Variants in TMEM223 observed in about 807,000 individuals in gnomAD.
TMEM223 encodes the protein transmembrane protein 223.
TMEM223 carries 14 observed loss-of-function variants against 14.1 expected under a neutral mutation model. That is an observed-to-expected ratio of 0.99 (90% CI 0.66 to 1.55). The LOEUF (loss-of-function observed/expected upper bound fraction) is 1.55, where lower values mean the gene tolerates loss of function less well. Ranked by LOEUF, TMEM223 falls within the 40% of genes most tolerant of loss-of-function variation. The pLI is 0.00. For synonymous variants in TMEM223, 145 were observed against 120.5 expected, an observed-to-expected ratio of 1.20 and a Z score of -1.33; for missense variants, 346 against 269.9, an observed-to-expected ratio of 1.28 and a Z score of -1.97.
At chr11:62,773,960 A>T (rs188878064) in intron 2 of TMEM223, among the ~76,000 whole-genome samples, 1 of 152,332 alleles carries the variant, frequency 6.6e-6, no homozygotes, top group East Asian at 1.9e-4. Flanking sequence ...TGAGGAACTG[A>T]AAGGAGGACA....
rs757495062 is a variant in TMEM223, at chr11:62,790,934, T to G, written c.317-19A>C. On this transcript the variant is annotated intron_variant, in intron 1 of 1. Coordinates refer to ENST00000307366, the MANE Select transcript of TMEM223 (RefSeq NM_001080501.3). ...AGGGCTCCTGCAGGCAGGGCAGAGA[T>G]TGGGGTGAGGGGTTTTCACTGGGCA... 5 of 1,538,010 alleles carry G rather than the reference T, an allele frequency of 3.3e-6. No homozygotes were observed. The highest frequency in any genetic ancestry group is 4.0e-5 in the Admixed American group (2 of 49,650).
intron 1 of TMEM223, among the ~76,000 whole-genome samples, chr11:62,779,676 T>C (rs1371132359): frequency 1.3e-5 from 2 of 150,922 alleles, no homozygotes; most frequent in African/African-American, 4.9e-5. Context: ...TAAAAAAACA[T>C]TTTTTTTAAG....
chr11:62,777,506 T>A (rs2084196268), intron 1 of TMEM223, among the ~76,000 whole-genome samples: 1 of 152,048 alleles, frequency 6.6e-6, no homozygotes, highest in African/African-American at 2.4e-5. Context: ...GGACTGGAGC[T>A]GGCCCTTAAA....
At chr11:62,778,018 G>A (rs753905618) in intron 1 of TMEM223, 25 of 1,614,036 alleles carry the variant, frequency 1.5e-5, no homozygotes, top group South Asian at 4.4e-5. Context: ...CTGCCCATGC[G>A]CCCCGCCAGG....
chr11:62,790,455 A>G lies in TMEM223; in HGVS notation c.*168T>C. 2.0e-6 allele frequency: 1 copy of G among 488,326 alleles called. No individual in the cohort carries two copies. The highest frequency in any genetic ancestry group is 3.4e-6 in the Non-Finnish European group (1 of 295,108). The allele number at this position is 488,326 out of a possible 1,614,324, so 30.2% of individuals were successfully genotyped here. On this transcript the variant is annotated 3_prime_UTR_variant, in exon 2 of 2. Transcript: ENST00000307366. Reference sequence around the variant, plus strand: ...CGTTTTTTTTTGTTTTTTTTTTTGTAAATAGAGACAAGGTCTCGCTATGTT... The same window carrying G: ...CGTTTTTTTTTGTTTTTTTTTTTGTGAATAGAGACAAGGTCTCGCTATGTT...
Position 62,791,813 on chromosome 11 carries a change from GA to G in TMEM223, c.181del (p.Ser61ProfsTer73). On this transcript the variant is annotated frameshift_variant, in exon 1 of 2. Transcript: ENST00000307366. LOFTEE classifies it high-confidence loss of function. ...CCGGGACACGGCTGCCACAGCCATG[GA>G]AGCCCAGAAGACGCCCTGGCCCGCG... ...FCAGQGVFWASMAVAAVSRPP... is the reference protein window; with the variant it reads ...FCAGQGVFWAXMAVAAVSRPP... 6.3e-7 allele frequency: 1 copy of G among 1,583,182 alleles called. No individual in the cohort carries two copies. The highest frequency in any genetic ancestry group is 8.6e-7 in the Non-Finnish European group (1 of 1,165,592).
rs1565194249 is a variant in TMEM223, at chr11:62,789,972, G to A, written c.*651C>T. On this transcript the variant is annotated 3_prime_UTR_variant, in exon 2 of 2. Coordinates refer to ENST00000307366, the MANE Select transcript of TMEM223 (RefSeq NM_001080501.3). ...GGAAGTCTGAAGCCACCCCATACCGGCCTCTGGAGAGGGGTGACCCTGAGT... is the reference window on the plus strand; with the variant it reads ...GGAAGTCTGAAGCCACCCCATACCGACCTCTGGAGAGGGGTGACCCTGAGT... 6.2e-7 allele frequency: 1 copy of A among 1,614,134 alleles called. No individual in the cohort carries two copies. Among genetic ancestry groups the A allele is most frequent in the Non-Finnish European group, 8.5e-7 (1 of 1,180,012 alleles).
chr11:62,785,627 C>T (rs1378833588), downstream of TMEM223, among the ~76,000 whole-genome samples: 3 of 150,192 alleles, frequency 2.0e-5, no homozygotes, highest in East Asian at 3.9e-4. Context: ...CTCTGCCCCC[C>T]GAGTTCAAGT....
chr11:62,786,610 C>CTAGG, downstream of TMEM223: 1 of 1,590,090 alleles, frequency 6.3e-7, no homozygotes, highest in East Asian at 2.2e-5. Flanking sequence ...CCTGGACGAC[C>CTAGG]TGCCATGGGA....
downstream of TMEM223, among the ~76,000 whole-genome samples, chr11:62,783,307 C>T (rs1249704181): frequency 6.6e-6 from 1 of 152,016 alleles, no homozygotes; most frequent in African/African-American, 2.4e-5. Flanking sequence ...ACGGTGAAAC[C>T]CCATCTCTAC....
intron 1 of TMEM223, among the ~76,000 whole-genome samples, chr11:62,781,239 G>T (rs111386607): frequency 1.9e-5 from 2 of 105,504 alleles, no homozygotes; most frequent in Non-Finnish European, 3.7e-5. Flanking sequence ...CCATCTCAAA[G>T]AAAAAAAAAA....
downstream of TMEM223, chr11:62,771,405 G>T: frequency 6.5e-6 from 1 of 154,152 alleles, no homozygotes; most frequent in South Asian, 1.7e-4. Context: ...GAGAGGGAAT[G>T]AGTGTGAGCT....
At chr11:62,781,006 C>T (rs193102777) in intron 1 of TMEM223, among the ~76,000 whole-genome samples, 5 of 137,904 alleles carry the variant, frequency 3.6e-5, no homozygotes, top group South Asian at 2.4e-4. Context: ...GAGGCCGAGG[C>T]GGGTGGATTG....
chr11:62,787,084 G>A (rs1233909517), downstream of TMEM223: 8 of 1,536,468 alleles, frequency 5.2e-6, no homozygotes, highest in Middle Eastern at 3.4e-4. Context: ...GAGCCGTTTC[G>A]CCCCGCGCGG....
chr11:62,776,013 A>G, intron 1 of TMEM223: 1 of 1,479,536 alleles, frequency 6.8e-7, no homozygotes, highest in East Asian at 2.4e-5. Context: ...GATTTATTCA[A>G]GTGTACACTG....
chr11:62,777,261 A>G (rs986946216), intron 1 of TMEM223, among the ~76,000 whole-genome samples: 1 of 152,190 alleles, frequency 6.6e-6, no homozygotes, highest in Non-Finnish European at 1.5e-5. Context: ...TGGAAGGCGT[A>G]GGTTGCAGTG....
downstream of TMEM223, chr11:62,786,501 TC>T: frequency 6.4e-7 from 1 of 1,566,810 alleles, no homozygotes; most frequent in Non-Finnish European, 8.7e-7. Context: ...CCTATCTTAG[TC>T]CTTGGCTCTT....
downstream of TMEM223, among the ~76,000 whole-genome samples, chr11:62,783,004 G>A (rs765001679): frequency 3.9e-5 from 6 of 152,152 alleles, no homozygotes; most frequent in African/African-American, 7.2e-5. Flanking sequence ...TTATCCTTTC[G>A]AAAGTCCTAT....
At chr11:62,784,345 C>T (rs1389892927), downstream of TMEM223, among the ~76,000 whole-genome samples, 1 of 145,494 alleles carries the variant, frequency 6.9e-6, no homozygotes, top group Non-Finnish European at 1.5e-5. Context: ...CGCTCTGACA[C>T]CCAGGCTGGA....
Sources: gnomAD v4.1 joint callset for allele counts (sites outside exome capture counted in the v4.1 genomes callset) on GRCh38, gnomAD v4.1.1 for gene constraint, MANE v1.5 for transcripts, NCBI Gene and HGNC (gene_info 2026-07-23, HGNC 2026-07-21) for gene names.